Variants in RNASET2 observed in about 807,000 individuals in gnomAD.
RNASET2 encodes ribonuclease T2.
A neutral mutation model predicts 33.9 loss-of-function variants in RNASET2; 28 were observed. The observed-to-expected ratio is 0.83, with a 90% confidence interval of 0.61 to 1.13. The LOEUF (loss-of-function observed/expected upper bound fraction) is 1.13, where lower values mean the gene tolerates loss of function less well. Among genes scored for constraint, RNASET2 ranks in the 50% most tolerant of loss-of-function variants. The pLI is 0.00. For synonymous variants in RNASET2, 123 were observed against 121.0 expected, an observed-to-expected ratio of 1.02 and a Z score of -0.11; for missense variants, 330 against 319.9, an observed-to-expected ratio of 1.03 and a Z score of -0.24.
At chr6:166,942,774 A>C (rs1177216779) in intron 5 of RNASET2, among the ~76,000 whole-genome samples, 1 of 152,228 alleles carries the variant, frequency 6.6e-6, no homozygotes, top group Admixed American at 6.5e-5. Flanking sequence ...AATAAATACC[A>C]TACAGGTTAG....
At chr6:166,946,472 G>T (rs1778847542) in intron 4 of RNASET2, among the ~76,000 whole-genome samples, 1 of 152,218 alleles carries the variant, frequency 6.6e-6, no homozygotes, top group Non-Finnish European at 1.5e-5. Context: ...TTGGGCACAG[G>T]GCAGGGGAGG....
intron 2 of RNASET2, 87 bp downstream of exon 2, chr6:166,952,401 G>A (rs1413133739): frequency 1.4e-5 from 16 of 1,167,662 alleles, no homozygotes; most frequent in Admixed American, 3.4e-5. Flanking sequence ...CACCAGCAGC[G>A]TGGGTGCCCT....
At position 166,928,910 on chromosome 6, in the gene RNASET2, AGAAG is replaced by A. The variant is rs1778348595; in HGVS notation, c.*674_*677del. On this transcript the variant is annotated 3_prime_UTR_variant, in exon 9 of 9. Coordinates refer to ENST00000508775, the MANE Select transcript of RNASET2 (RefSeq NM_003730.6). ...GCAGGGACCTGGCTACCCTCTGATA[AGAAG>A]GAAGTGAGGCCTGACAGAAACTGAC... Among the ~76,000 whole-genome samples, 1 of 152,210 alleles carries A rather than the reference AGAAG, an allele frequency of 6.6e-6. No individual in the cohort carries two copies. The highest frequency in any genetic ancestry group is 2.4e-5 in the African/African-American group (1 of 41,464).
At position 166,938,932 on chromosome 6, in the gene RNASET2, T is replaced by C. The variant is rs747895403; in HGVS notation, c.409A>G (p.Arg137Gly). ...AGCTCCCTGTAGAGTTCCAGGCTTC[T>C]GCCAAAGTACTTCTTCTGGGAGTTG... Reference protein sequence around the residue: ...ALNSQKKYFGRSLELYRELDL... With the variant: ...ALNSQKKYFGGSLELYRELDL... Residue 137 changes from arginine (R) to glycine (G), a missense_variant, in exon 6 of 9, where the codon AGA becomes GGA. Arg to Gly is a moderately radical substitution (Grantham distance 125). Coordinates refer to ENST00000508775, the MANE Select transcript of RNASET2 (RefSeq NM_003730.6). 6.2e-7 allele frequency: 1 copy of C among 1,613,928 alleles called. No homozygotes were observed. The highest frequency in any genetic ancestry group is 1.1e-5 in the South Asian group (1 of 91,084).
At chr6:166,952,464 G>C (rs1779009387) in intron 2 of RNASET2, 24 bp downstream of exon 2, 1 of 1,609,608 alleles carries the variant, frequency 6.2e-7, no homozygotes, top group Admixed American at 1.7e-5. Flanking sequence ...AGGCCCCAGG[G>C]CCCGTCAAGG....
chr6:166,942,201 C>G (rs568035503), intron 5 of RNASET2, among the ~76,000 whole-genome samples: 1 of 151,800 alleles, frequency 6.6e-6, no homozygotes, highest in Admixed American at 6.6e-5. Flanking sequence ...TACAAGCGTA[C>G]GCCATCATGC....
intron 7 of RNASET2, chr6:166,932,574 C>G (rs1467803236): frequency 6.6e-6 from 1 of 152,280 alleles, no homozygotes; most frequent in East Asian, 1.9e-4. Flanking sequence ...TCCCGCAGCC[C>G]TGATTTCCCC....
intron 3 of RNASET2, among the ~76,000 whole-genome samples, chr6:166,947,227 C>A (rs143354387): frequency 1.3e-5 from 2 of 152,202 alleles, no homozygotes; most frequent in African/African-American, 4.8e-5. Flanking sequence ...AAGTGCCTGG[C>A]GTATGGCAGA....
At chr6:166,936,669 C>T (rs1778577381) in intron 6 of RNASET2, among the ~76,000 whole-genome samples, 1 of 152,162 alleles carries the variant, frequency 6.6e-6, no homozygotes, top group South Asian at 2.1e-4. Flanking sequence ...TGCAAGGGGG[C>T]ATTAACCTAC....
Position 166,948,613 on chromosome 6 carries a change from C to G in RNASET2, c.160G>C (p.Asp54His), listed in dbSNP as rs761924699. Reference protein sequence around the residue: ...PETVCEKIQNDCRDPPDYWTI... With the variant: ...PETVCEKIQNHCRDPPDYWTI... ...CAGTAATCCGGAGGGTCTCTACAGT[C>G]GTTTTGAATTTTCTAGGGAGAAAAT... is the stretch of plus-strand genomic sequence containing the variant. The change falls in exon 3 of 9, where the codon GAC (aspartate) becomes CAC (histidine). Residue 54 changes from aspartate (D) to histidine (H), a missense_variant. Physicochemically the swap from Asp to His is moderately conservative, Grantham distance 81. Transcript: ENST00000508775. 6.3e-7 allele frequency: 1 copy of G among 1,591,964 alleles called. No individual in the cohort carries two copies. The highest frequency in any genetic ancestry group is 2.2e-5 in the East Asian group (1 of 44,720).
intron 8 of RNASET2, 149 bp downstream of exon 8, chr6:166,930,895 T>TGCACACACAC: frequency 1.4e-6 from 1 of 714,796 alleles, no homozygotes; most frequent in Middle Eastern, 2.4e-4. Flanking sequence ...CACACACACA[T>TGCACACACAC]GCACACACAC....
chr6:166,946,306 C>T (rs1038590776), intron 4 of RNASET2, among the ~76,000 whole-genome samples: 1 of 152,268 alleles, frequency 6.6e-6, no homozygotes. Context: ...GGCACACCGA[C>T]CAGATTCCCA....
At chr6:166,938,246 C>A (rs942480547) in intron 6 of RNASET2, among the ~76,000 whole-genome samples, 1 of 152,036 alleles carries the variant, frequency 6.6e-6, no homozygotes, top group African/African-American at 2.4e-5. Flanking sequence ...ACGCTGACAC[C>A]CTGAAACGTC....
rs1562506872 is a variant in RNASET2 at position 166,955,259 on chromosome 6, A to ACG, written c.86+837_86+838insCG. Among the ~76,000 whole-genome samples, 85 of 103,462 alleles carry ACG rather than the reference A, an allele frequency of 8.2e-4. 1 individual carries two copies. The highest frequency in any genetic ancestry group is 3.5e-3 in the African/African-American group (78 of 22,096). The allele number at this position is 103,462 out of a possible 152,430, so 67.9% of individuals were successfully genotyped here. On this transcript the variant is annotated intron_variant, in intron 1 of 8. Coordinates refer to ENST00000508775, the MANE Select transcript of RNASET2 (RefSeq NM_003730.6). ...CGCACGCACACACACGCACACACGC[A>ACG]CACACACACACGCGCACACACGACA...
In RNASET2 at chr6:166,943,064, T is replaced by C. The variant is rs1280410103; in HGVS notation, c.287A>G (p.Tyr96Cys). 6.2e-7 allele frequency: 1 copy of C among 1,613,408 alleles called. No individual in the cohort carries two copies. The highest frequency in any genetic ancestry group is 8.5e-7 in the Non-Finnish European group (1 of 1,179,682). The change falls in exon 5 of 9, where the codon TAC becomes TGC. Residue 96 changes from tyrosine (Y) to cysteine (C), a missense_variant. Physicochemically the swap from Tyr to Cys is radical, Grantham distance 194 (BLOSUM62 -2). Transcript: ENST00000508775. Reference protein sequence around the residue: ...IKDLLPEMRAYWPDVIHSFPN... With the variant: ...IKDLLPEMRACWPDVIHSFPN... ...AAACGAGTGAATTACGTCAGGCCAG[T>C]ATGCCCTCATTTCTGGCAAAAGATC...
In RNASET2 at chr6:166,925,514, G is replaced by A. The variant is rs868188822; in HGVS notation, c.*4074C>T. ...TCCCCTGTCCAGCCCTCACCTCCCCGGTCCAGCCCTTGCCTCCCCCGTCCA... is the reference window on the plus strand; with the variant it reads ...TCCCCTGTCCAGCCCTCACCTCCCCAGTCCAGCCCTTGCCTCCCCCGTCCA... On this transcript the variant is annotated 3_prime_UTR_variant, in exon 9 of 9. Coordinates refer to ENST00000508775, the MANE Select transcript of RNASET2 (RefSeq NM_003730.6). Among the ~76,000 whole-genome samples the A allele has an allele frequency of 3.4e-5, 5 of 147,706 alleles. No homozygotes were observed. Among genetic ancestry groups the A allele is most frequent in the Admixed American group, 1.3e-4 (2 of 14,878 alleles).
intron 6 of RNASET2, among the ~76,000 whole-genome samples, chr6:166,935,472 A>T (rs1778544514): frequency 6.6e-6 from 1 of 152,166 alleles, no homozygotes; most frequent in Non-Finnish European, 1.5e-5. Flanking sequence ...GGGGAAATGC[A>T]GCACCTAACC....
chr6:166,952,806 G>A (rs959853842), intron 1 of RNASET2: 9 of 457,666 alleles, frequency 2.0e-5, no homozygotes, highest in African/African-American at 9.9e-5. Context: ...AGGAGGGGAA[G>A]CGGAGGCAGG....
At chr6:166,955,547 CCT>C in intron 1 of RNASET2, 1 of 987,128 alleles carries the variant, frequency 1.0e-6, no homozygotes, top group Non-Finnish European at 1.2e-6. Flanking sequence ...ACTTCTTCGA[CCT>C]CTGAGAGAAC....
Sources: allele counts gnomAD v4.1 joint callset (sites outside exome capture counted in the v4.1 genomes callset), GRCh38; gene constraint gnomAD v4.1.1; transcripts MANE v1.5; gene names NCBI Gene and HGNC (gene_info 2026-07-23, HGNC 2026-07-21).